LOXHD1: variants seen among roughly 807,000 people sequenced by gnomAD.
LOXHD1 encodes lipoxygenase homology domain-containing protein 1.
A neutral mutation model predicts 248.2 loss-of-function variants in LOXHD1; 205 were observed. The observed-to-expected ratio is 0.83, with a 90% CI of 0.74 to 0.93. The LOEUF is 0.93. Ranked by LOEUF, LOXHD1 falls within the 40% of genes least tolerant of loss-of-function variation. LOXHD1 has a pLI of 0.00. For synonymous variants in LOXHD1, 1,113 were observed against 1,162.8 expected, an observed-to-expected ratio of 0.96 and a Z score of 0.87; for missense variants, 2,930 against 2,971.6, an observed-to-expected ratio of 0.99 and a Z score of 0.33.
intron 16 of LOXHD1, among the ~76,000 whole-genome samples, chr18:46,568,638 G>A (rs2037690567): frequency 6.6e-6 from 1 of 152,124 alleles, no homozygotes; most frequent in Non-Finnish European, 1.5e-5. Flanking sequence ...AGCAAACCCA[G>A]ATGGGTTCCA....
chr18:46,518,553 C>T (rs2035393865), intron 33 of LOXHD1, among the ~76,000 whole-genome samples: 2 of 152,232 alleles, frequency 1.3e-5, no homozygotes, highest in South Asian at 4.1e-4. Flanking sequence ...AACCTAAGTC[C>T]AGGCATGCCA....
At chr18:46,484,031 G>C (rs2032821791) in intron 39 of LOXHD1, among the ~76,000 whole-genome samples, 1 of 152,148 alleles carries the variant, frequency 6.6e-6, no homozygotes, top group Non-Finnish European at 1.5e-5. Context: ...AGAGCAGAGG[G>C]AGGAGGGGAA....
intron 2 of LOXHD1, among the ~76,000 whole-genome samples, chr18:46,645,417 G>A (rs538559567): frequency 4.6e-5 from 7 of 152,266 alleles, no homozygotes; most frequent in East Asian, 1.9e-4. Context: ...CAGAGCCATC[G>A]GGCTAAAATG....
At chr18:46,548,846 C>T (rs1249854958) in intron 21 of LOXHD1, among the ~76,000 whole-genome samples, 1 of 152,130 alleles carries the variant, frequency 6.6e-6, no homozygotes, top group African/African-American at 2.4e-5. Context: ...AGAGAAAATG[C>T]ACACAGAGTC....
At chr18:46,509,855 C>T (rs1452360086) in intron 34 of LOXHD1, 40 bp from the exon 35 acceptor site, 1 of 1,318,476 alleles carries the variant, frequency 7.6e-7, no homozygotes, top group Non-Finnish European at 1.1e-6. Flanking sequence ...GGGAAGCTGG[C>T]CATTGGGGAG....
intron 8 of LOXHD1, among the ~76,000 whole-genome samples, chr18:46,595,071 T>G (rs1211499460): frequency 6.6e-6 from 1 of 152,230 alleles, no homozygotes; most frequent in Non-Finnish European, 1.5e-5. Context: ...CTTTACTTTC[T>G]TAACTTGAAA....
chr18:46,528,841 C>T (rs1033757258), intron 29 of LOXHD1, among the ~76,000 whole-genome samples: 2 of 152,194 alleles, frequency 1.3e-5, no homozygotes, highest in Admixed American at 1.3e-4. Flanking sequence ...GCAGTGTTCA[C>T]CTCCACGTTC....
At chr18:46,507,742 C>G in intron 35 of LOXHD1, 30 bp from the exon 36 acceptor site, 4 of 1,535,734 alleles carry the variant, frequency 2.6e-6, no homozygotes, top group Non-Finnish European at 3.5e-6. Context: ...CGTGGGAATG[C>G]CCTGTCCTCC....
intron 34 of LOXHD1, among the ~76,000 whole-genome samples, chr18:46,515,149 G>T (rs957150248): frequency 2.6e-5 from 4 of 152,226 alleles, no homozygotes; most frequent in Non-Finnish European, 4.4e-5. Flanking sequence ...GACTGCAGGA[G>T]CGTTGCAGCA....
intron 21 of LOXHD1, 140 bp downstream of exon 21, chr18:46,557,210 ACCTCAC>A: frequency 2.2e-6 from 2 of 906,828 alleles, no homozygotes; most frequent in Non-Finnish European, 3.3e-6. Context: ...CGGCCAGTAC[ACCTCAC>A]CCTTAGGTGT....
intron 40 of LOXHD1, among the ~76,000 whole-genome samples, chr18:46,481,886 C>G (rs919019962): frequency 6.6e-6 from 1 of 152,186 alleles, no homozygotes; most frequent in Non-Finnish European, 1.5e-5. Context: ...AACTCTCTCT[C>G]GGCCAACATT....
intron 12 of LOXHD1, among the ~76,000 whole-genome samples, chr18:46,588,306 G>A (rs989230437): frequency 1.3e-5 from 2 of 152,100 alleles, no homozygotes; most frequent in African/African-American, 4.8e-5. Flanking sequence ...ACCCCCGGAA[G>A]ACATCAAACT....
intron 34 of LOXHD1, among the ~76,000 whole-genome samples, chr18:46,513,021 G>A (rs1408979744): frequency 6.6e-6 from 1 of 152,126 alleles, no homozygotes; most frequent in African/African-American, 2.4e-5. Flanking sequence ...ATGAAATCCA[G>A]GTGATATGAA....
chr18:46,579,583 G>C (rs2037923133), intron 13 of LOXHD1, 47 bp downstream of exon 13: 1 of 1,550,550 alleles, frequency 6.4e-7, no homozygotes, highest in Non-Finnish European at 8.7e-7. Context: ...AACATGGGAA[G>C]GGAACTGGGA....
At chr18:46,525,099 C>T (rs1307630842) in intron 29 of LOXHD1, among the ~76,000 whole-genome samples, 182 bp from the exon 30 acceptor site, 1 of 152,208 alleles carries the variant, frequency 6.6e-6, no homozygotes, top group Non-Finnish European at 1.5e-5. Flanking sequence ...GCCTCATATC[C>T]ACAGTGGTCC....
chr18:46,632,871 C>A (rs889899082), intron 4 of LOXHD1, among the ~76,000 whole-genome samples: 1 of 152,114 alleles, frequency 6.6e-6, no homozygotes, highest in African/African-American at 2.4e-5. Flanking sequence ...TGCTTATTCA[C>A]GTGTGATGTC....
intron 33 of LOXHD1, among the ~76,000 whole-genome samples, chr18:46,519,622 C>T (rs998241018): frequency 2.0e-5 from 3 of 152,126 alleles, no homozygotes; most frequent in Admixed American, 2.0e-4. Context: ...AAGTGCGAGC[C>T]TGACACTTTT....
intron 38 of LOXHD1, among the ~76,000 whole-genome samples, chr18:46,488,618 C>T (rs538847027): frequency 3.3e-5 from 5 of 152,154 alleles, no homozygotes; most frequent in African/African-American, 4.8e-5. Flanking sequence ...TTCTAGGAAG[C>T]GTTGATTAGG....
intron 37 of LOXHD1, among the ~76,000 whole-genome samples, chr18:46,492,436 T>G (rs1020514288): frequency 3.3e-5 from 5 of 152,166 alleles, no homozygotes; most frequent in Admixed American, 2.0e-4. Context: ...GAGAGAATGA[T>G]TGCCAAGTGA....
Sources: gnomAD v4.1 joint callset for allele counts (sites outside exome capture counted in the v4.1 genomes callset) on GRCh38, gnomAD v4.1.1 for gene constraint, MANE v1.5 for transcripts, NCBI Gene and HGNC (gene_info 2026-07-23, HGNC 2026-07-21) for gene names.